The following QRICH1 variants were observed in gnomAD, a reference collection of about 807,000 sequenced individuals.
QRICH1 encodes transcriptional regulator QRICH1.
QRICH1 carries 16 observed loss-of-function variants against 87.1 expected under a neutral mutation model. The ratio of observed to expected loss-of-function variants is 0.18; its 90% confidence interval spans 0.12 to 0.28. The LOEUF is 0.28. Among genes scored for constraint, QRICH1 ranks in the 10% least tolerant of loss-of-function variants. The probability of loss-of-function intolerance (pLI) is 1.00; values close to 1 mark genes in which losing one functional copy is unlikely to be tolerated. For missense variants in QRICH1, 647 were observed against 951.7 expected (o/e 0.68, Z 4.21); for synonymous variants, 367 against 368.4 (o/e 1.00, Z 0.05).
intron 3 of QRICH1, among the ~76,000 whole-genome samples, chr3:49,053,828 G>A (rs1030361771): frequency 2.0e-5 from 3 of 152,210 alleles, no homozygotes; most frequent in Admixed American, 6.5e-5. Flanking sequence ...ACCTGTGGCA[G>A]ATGAAGGAAC....
chr3:49,056,726 C>G, intron 3 of QRICH1, 136 bp downstream of exon 3: 1 of 1,420,968 alleles, frequency 7.0e-7, no homozygotes. Flanking sequence ...TTCTCCCCCT[C>G]TTCTCCCAAA....
At chr3:49,062,954 C>T (rs1261637841) in intron 2 of QRICH1, among the ~76,000 whole-genome samples, 1 of 151,426 alleles carries the variant, frequency 6.6e-6, no homozygotes, top group Non-Finnish European at 1.5e-5. Context: ...GAGCCAAGAT[C>T]GCGCCACTGC....
At chr3:49,066,883 C>T (rs781454269) in intron 2 of QRICH1, among the ~76,000 whole-genome samples, 4 of 151,648 alleles carry the variant, frequency 2.6e-5, no homozygotes, top group Non-Finnish European at 4.4e-5. Context: ...AATAAAAATA[C>T]AAAAATTACC....
chr3:49,085,493 A>G (rs916069790), intron 1 of QRICH1, among the ~76,000 whole-genome samples: 7 of 150,054 alleles, frequency 4.7e-5, no homozygotes, highest in South Asian at 2.1e-4. Flanking sequence ...GGTGGCTCAT[A>G]CCTGTAATCC....
intron 2 of QRICH1, among the ~76,000 whole-genome samples, chr3:49,075,244 G>C (rs563021384): frequency 6.6e-6 from 1 of 151,224 alleles, no homozygotes; most frequent in Admixed American, 6.6e-5. Flanking sequence ...CTGGATGATC[G>C]CTTAAGCCTT....
intron 2 of QRICH1, among the ~76,000 whole-genome samples, chr3:49,071,888 C>T (rs937615469): frequency 2.6e-5 from 4 of 152,064 alleles, no homozygotes; most frequent in Admixed American, 2.0e-4. Flanking sequence ...GACAGGATTT[C>T]GCCATGTTGC....
At position 49,057,213 on chromosome 3, in the gene QRICH1, G is replaced by A. The variant is rs1001915963; in HGVS notation, c.987C>T (p.His329=). The A allele has an allele frequency of 3.7e-6, 6 of 1,614,102 alleles. No homozygotes were observed. The African/African-American group carries it at 8.0e-5, about 22-fold the overall frequency. The change falls in exon 3 of 10, where the codon CAC becomes CAT. Residue 329 remains histidine (H), a synonymous_variant. Coordinates refer to ENST00000395443, the MANE Select transcript of QRICH1 (RefSeq NM_198880.3). The surrounding 1 kb of genome is among the most constrained non-coding windows in gnomAD (Gnocchi z 5.4). ...TGTAGGCTTCCTGGGGAATGGCAATGTGGGTAATGCTCTGCTGCTGAGGGT... is the reference window on the plus strand; with the variant it reads ...TGTAGGCTTCCTGGGGAATGGCAATATGGGTAATGCTCTGCTGCTGAGGGT... The part of the protein sequence containing the change: ...RGDPQQQSIT[H]IAIPQEAYNA...
chr3:49,032,714 C>A lies in QRICH1; in HGVS notation c.1955G>T (p.Arg652Leu). The change falls in exon 8 of 10, where the codon CGA becomes CTA. Residue 652 changes from arginine (R) to leucine (L), a missense_variant. Around this residue, in one of 7 missense-constraint regions of QRICH1, gnomAD observed 187 missense variants for 309.5 expected, o/e 0.60. Transcript: ENST00000395443. ...HMKLAFSKVL[R>L]QTKKNPSNPK... is the part of the protein sequence containing the mutation. ...ATTAGAGGGGTTCTTCTTTGTCTGT[C>A]GCAAGACCTTGGAGAAGGCCAGCTT... 1 of 1,611,776 alleles carries A rather than the reference C, an allele frequency of 6.2e-7. No individual in the cohort carries two copies. The highest frequency in any genetic ancestry group is 8.5e-7 in the Non-Finnish European group (1 of 1,179,264).
At chr3:49,038,880 A>T (rs1239747992) in intron 6 of QRICH1, among the ~76,000 whole-genome samples, 1 of 152,130 alleles carries the variant, frequency 6.6e-6, no homozygotes, top group Non-Finnish European at 1.5e-5. Context: ...ACAAAAAATT[A>T]TCCGGGTGTG....
At chr3:49,067,041 A>G (rs919580677) in intron 2 of QRICH1, among the ~76,000 whole-genome samples, 9 of 151,908 alleles carry the variant, frequency 5.9e-5, no homozygotes, top group African/African-American at 1.7e-4. Context: ...CTCAAAAAAA[A>G]AGAGAGAGAG....
intron 2 of QRICH1, among the ~76,000 whole-genome samples, chr3:49,069,543 A>ATTTTTT (rs372639913): frequency 8.1e-6 from 1 of 122,790 alleles, no homozygotes. Context: ...ATGGGGGGGA[A>ATTTTTT]TTTTTTTTTT....
intron 1 of QRICH1, among the ~76,000 whole-genome samples, chr3:49,085,758 C>CAAAAAA (rs1160204334): frequency 1.3e-5 from 1 of 78,334 alleles, no homozygotes; most frequent in African/African-American, 4.9e-5. Flanking sequence ...AACTCCATCT[C>CAAAAAA]AAAAAAAAAA....
At chr3:49,073,726 A>G (rs1306974579) in intron 2 of QRICH1, among the ~76,000 whole-genome samples, 1 of 151,274 alleles carries the variant, frequency 6.6e-6, no homozygotes, top group Non-Finnish European at 1.5e-5. Flanking sequence ...AGCTCACTGT[A>G]ACCTCCACCT....
chr3:49,088,498 A>G (rs2042212316), intron 1 of QRICH1, among the ~76,000 whole-genome samples: 1 of 150,184 alleles, frequency 6.7e-6, no homozygotes, highest in African/African-American at 2.5e-5. Flanking sequence ...GGGTTTCACC[A>G]TATTGGCCAG....
In QRICH1 at chr3:49,068,040, A is replaced by T. The variant is rs183493902; in HGVS notation, c.309+8669T>A. Among the ~76,000 whole-genome samples the T allele has an allele frequency of 5.9e-3, 896 of 152,310 alleles. 17 individuals carry two copies. Among genetic ancestry groups the T allele is most frequent in the Non-Finnish European group, 3.5e-3 (238 of 68,024 alleles). Reference sequence around the variant, plus strand: ...AACTCTCAACACCTTTTTTAAAAAAAAGTATTACATTTTACTTGAAATTAA... The same window carrying T: ...AACTCTCAACACCTTTTTTAAAAAATAGTATTACATTTTACTTGAAATTAA... On this transcript the variant is annotated intron_variant, in intron 2 of 9. Transcript: ENST00000395443.
chr3:49,032,826 T>C (rs1000400070), intron 7 of QRICH1, 53 bp from the exon 8 acceptor site: 2 of 1,558,492 alleles, frequency 1.3e-6, no homozygotes, highest in African/African-American at 1.4e-5. Flanking sequence ...GAGGATACCA[T>C]GACTCATCCT....
intron 2 of QRICH1, among the ~76,000 whole-genome samples, chr3:49,068,569 G>A (rs866107894): frequency 2.0e-5 from 3 of 151,364 alleles, no homozygotes; most frequent in African/African-American, 7.3e-5. Flanking sequence ...AGACTGCAGC[G>A]AGCCGTGATC....
chr3:49,092,746 G>C (rs905212072), intron 1 of QRICH1, among the ~76,000 whole-genome samples: 15 of 152,142 alleles, frequency 9.9e-5, no homozygotes, highest in African/African-American at 3.6e-4. Flanking sequence ...CAAAAAAAGA[G>C]CTGAAAAGGA....
intron 8 of QRICH1, 85 bp downstream of exon 8, chr3:49,032,537 C>G (rs2093247814): frequency 1.4e-6 from 2 of 1,447,314 alleles, no homozygotes; most frequent in African/African-American, 2.8e-5. Flanking sequence ...AACCTTTACA[C>G]TTATCACTAG....
Sources: gnomAD v4.1 joint callset for allele counts (sites outside exome capture counted in the v4.1 genomes callset) on GRCh38, gnomAD v4.1.1 for gene constraint, gnomAD v4.1.1 regional missense constraint, Gnocchi (gnomAD v3.1) non-coding constraint, MANE v1.5 for transcripts, NCBI Gene and HGNC (gene_info 2026-07-23, HGNC 2026-07-21) for gene names.